PDE1C: variants seen among roughly 807,000 people sequenced by gnomAD.
The protein encoded by PDE1C is dual specificity calcium/calmodulin-dependent 3',5'-cyclic nucleotide phosphodiesterase 1C.
In PDE1C, 62 loss-of-function variants were observed where a neutral mutation model predicts 93.1. That is an observed-to-expected ratio of 0.67 (90% confidence interval 0.54 to 0.82). The LOEUF (loss-of-function observed/expected upper bound fraction) is 0.82. Among genes scored for constraint, PDE1C ranks in the 40% least tolerant of loss-of-function variants. The probability of loss-of-function intolerance (pLI) is 0.00; values close to 1 mark genes in which losing one functional copy is unlikely to be tolerated. For synonymous variants in PDE1C, 325 were observed against 310.1 expected, an observed-to-expected ratio of 1.05 and a Z score of -0.50; for missense variants, 742 against 884.6, an observed-to-expected ratio of 0.84 and a Z score of 2.04.
chr7:31,631,210 T>C, the PDE1C span, among the ~76,000 whole-genome samples: 1 of 152,140 alleles, frequency 6.6e-6, no homozygotes, highest in African/African-American at 2.4e-5. Context: ...AACCTATCAA[T>C]TGTTTTTTAC....
At chr7:31,718,598 G>T in the PDE1C span, among the ~76,000 whole-genome samples, 4 of 152,164 alleles carry the variant, frequency 2.6e-5, no homozygotes, top group African/African-American at 9.7e-5. Context: ...GGGATATGAG[G>T]ATCAGCACCA....
At chr7:32,026,361 C>T (rs1381571185) in intron 2 of PDE1C, among the ~76,000 whole-genome samples, 2 of 152,158 alleles carry the variant, frequency 1.3e-5, no homozygotes, top group Non-Finnish European at 2.9e-5. Flanking sequence ...TCAGTAGCAA[C>T]CACAGAAGAC....
chr7:32,168,524 A>G (rs1802444135), intron 3 of PDE1C, among the ~76,000 whole-genome samples: 1 of 152,224 alleles, frequency 6.6e-6, no homozygotes. Context: ...GAAATGCTCC[A>G]AGGTGAGAAC....
At chr7:32,284,754 T>A in intron 1 of PDE1C, among the ~76,000 whole-genome samples, 1 of 152,140 alleles carries the variant, frequency 6.6e-6, no homozygotes, top group East Asian at 1.9e-4. Flanking sequence ...CATGCCAGGC[T>A]GGGCACAGTG....
chr7:32,128,722 C>G (rs1320655673), intron 3 of PDE1C, among the ~76,000 whole-genome samples: 1 of 151,024 alleles, frequency 6.6e-6, no homozygotes, highest in Non-Finnish European at 1.5e-5. Flanking sequence ...GACAATTTAT[C>G]AATGGCCTAA....
At chr7:31,865,891 A>G (rs750482411) in intron 6 of PDE1C, among the ~76,000 whole-genome samples, 6 of 152,188 alleles carry the variant, frequency 3.9e-5, no homozygotes, top group Non-Finnish European at 5.9e-5. Flanking sequence ...TACAAATGAG[A>G]TATGCTGCAT....
At chr7:32,271,852 CT>C (rs1810988175) in intron 1 of PDE1C, among the ~76,000 whole-genome samples, 1 of 152,180 alleles carries the variant, frequency 6.6e-6, no homozygotes, top group African/African-American at 2.4e-5. Flanking sequence ...TGCAGCAGGA[CT>C]TTTTGCTGCA....
intron 3 of PDE1C, among the ~76,000 whole-genome samples, chr7:32,131,463 T>C (rs991517575): frequency 1.3e-5 from 2 of 152,118 alleles, no homozygotes; most frequent in African/African-American, 4.8e-5. Flanking sequence ...ATTTTAAATA[T>C]TTAAATACTT....
At chr7:31,848,211 C>A in intron 8 of PDE1C, 115 bp from the exon 9 acceptor site, 3 of 1,010,370 alleles carry the variant, frequency 3.0e-6, no homozygotes, top group Non-Finnish European at 4.4e-6. Flanking sequence ...TTATCTTTGT[C>A]CCCATGCCAG....
At position 32,310,299 on chromosome 7, in the gene PDE1C, A is replaced by G. The variant is rs192966680; in HGVS notation, c.311-100760T>C. On this transcript the variant is annotated intron_variant, in intron 1 of 1. Transcript: ENST00000672256. ...AGACTTAGACTCCCACACATTAATA[A>G]TGGGAGACTTTAACACCCCACTGTC... Among the ~76,000 whole-genome samples the G allele has an allele frequency of 2.5e-3, 382 of 152,174 alleles. 2 individuals are homozygous for G. Among genetic ancestry groups the G allele is most frequent in the African/African-American group, 8.7e-3 (362 of 41,522 alleles).
intron 2 of PDE1C, among the ~76,000 whole-genome samples, chr7:32,022,814 C>G (rs1233711536): frequency 6.6e-6 from 1 of 151,570 alleles, no homozygotes. Context: ...AAAAAATTAA[C>G]GACAGAATTT....
chr7:31,891,331 G>A (rs1798610213), intron 2 of PDE1C, among the ~76,000 whole-genome samples: 1 of 152,044 alleles, frequency 6.6e-6, no homozygotes, highest in Non-Finnish European at 1.5e-5. Context: ...GGTTTTAGTG[G>A]AGATCCAGCC....
chr7:32,307,844 C>A (rs895814156), intron 1 of PDE1C, among the ~76,000 whole-genome samples: 1 of 152,222 alleles, frequency 6.6e-6, no homozygotes, highest in Admixed American at 6.5e-5. Context: ...ATCTGAGGTA[C>A]CGGGTTCATC....
intron 6 of PDE1C, among the ~76,000 whole-genome samples, chr7:31,866,208 GA>G (rs950850881): frequency 3.3e-5 from 5 of 150,108 alleles, no homozygotes; most frequent in East Asian, 1.9e-4. Flanking sequence ...TTACATTTGT[GA>G]AAAAAAAATA....
At chr7:31,957,477 C>T (rs1402166030) in intron 2 of PDE1C, among the ~76,000 whole-genome samples, 1 of 152,122 alleles carries the variant, frequency 6.6e-6, no homozygotes, top group Non-Finnish European at 1.5e-5. Context: ...CTCACTGATG[C>T]CTTGGGTTCT....
At position 32,314,987 on chromosome 7, in the gene PDE1C, TAC is replaced by T. The variant is rs545185139; in HGVS notation, c.311-105450_311-105449del. Among the ~76,000 whole-genome samples, 183 of 148,368 alleles carry T rather than the reference TAC, an allele frequency of 1.2e-3. 1 individual carries two copies. The highest frequency in any genetic ancestry group is 1.8e-3 in the Non-Finnish European group (118 of 67,142). On this transcript the variant is annotated intron_variant, in intron 1 of 1. Coordinates refer to the PDE1C transcript ENST00000672256. The stretch of plus-strand genomic sequence containing the variant: ...AGATACAGCTACACACACAGACACA[TAC>T]ACAGACATTCACACACACACCCCAC...
intron 1 of PDE1C, among the ~76,000 whole-genome samples, chr7:32,260,947 C>T (rs1161265017): frequency 6.6e-6 from 1 of 152,034 alleles, no homozygotes; most frequent in African/African-American, 2.4e-5. Flanking sequence ...CTCATCTCTA[C>T]AAAAATACAA....
chr7:32,383,836 G>A (rs1324125426), intron 1 of PDE1C, among the ~76,000 whole-genome samples: 3 of 152,140 alleles, frequency 2.0e-5, no homozygotes, highest in East Asian at 1.9e-4. Context: ...TTTGGAGTCC[G>A]CTCCAACTCT....
intron 1 of PDE1C, among the ~76,000 whole-genome samples, chr7:32,066,727 CA>C (rs1172462359): frequency 7.8e-6 from 1 of 128,970 alleles, no homozygotes. Flanking sequence ...GATTCTGTAA[CA>C]AAAAAGTAAT....
Sources: gnomAD v4.1 joint callset for allele counts (sites outside exome capture counted in the v4.1 genomes callset) on GRCh38, gnomAD v4.1.1 for gene constraint, MANE v1.5 for transcripts, NCBI Gene and HGNC (gene_info 2026-07-23, HGNC 2026-07-21) for gene names.